PCBP3: variants seen among roughly 807,000 people sequenced by gnomAD.
PCBP3 encodes the protein poly(rC) binding protein 3.
In PCBP3, 25 loss-of-function variants were observed where a neutral mutation model predicts 52.7. That is an observed-to-expected ratio of 0.47 (90% CI 0.35 to 0.66). The LOEUF (loss-of-function observed/expected upper bound fraction) is 0.66. Ranked by LOEUF, PCBP3 falls within the 30% of genes least tolerant of loss-of-function variation. The pLI, the probability that PCBP3 is intolerant of heterozygous loss-of-function variation, is 0.01. For missense variants in PCBP3, 391 were observed against 490.3 expected (o/e 0.80, Z 1.91); for synonymous variants, 162 against 183.0 (o/e 0.89, Z 0.93).
chr21:45,821,330 GC>G lies in PCBP3; in HGVS notation c.-125-28628del, dbSNP rs1333418133. On this transcript the variant is annotated intron_variant, in intron 4 of 17. Coordinates refer to ENST00000681687, the MANE Select transcript of PCBP3 (RefSeq NM_001384156.1). The surrounding 1 kb of genome is among the most constrained non-coding windows in gnomAD (Gnocchi z 4.4). The stretch of plus-strand genomic sequence containing the variant: ...ACACTGAGCTCCAGCCTGATGTCCA[GC>G]CCAGGAGGTCCTCAACTGAGGTCCA... Among the ~76,000 whole-genome samples, 1 of 151,970 alleles carries G rather than the reference GC, an allele frequency of 6.6e-6. No homozygotes were observed. Among genetic ancestry groups the G allele is most frequent in the African/African-American group, 2.4e-5 (1 of 41,350 alleles).
chr21:45,758,117 G>A (rs2088249809), intron 4 of PCBP3, among the ~76,000 whole-genome samples: 1 of 152,206 alleles, frequency 6.6e-6, no homozygotes, highest in Non-Finnish European at 1.5e-5. Flanking sequence ...TCGAACTCGT[G>A]AGCTCAGGCA....
chr21:45,785,109 C>T (rs1204464827), intron 4 of PCBP3, among the ~76,000 whole-genome samples: 4 of 151,854 alleles, frequency 2.6e-5, no homozygotes, highest in East Asian at 2.0e-4. Context: ...TCTGCCCGGC[C>T]GCCCCGTCTG....
intron 9 of PCBP3, among the ~76,000 whole-genome samples, chr21:45,908,684 C>T (rs1426478680): frequency 1.3e-5 from 2 of 152,184 alleles, no homozygotes; most frequent in African/African-American, 4.8e-5. Flanking sequence ...CTGCAGCGAG[C>T]TCCGGGCCAC....
chr21:45,860,786 G>A (rs2094479551), intron 5 of PCBP3, among the ~76,000 whole-genome samples: 1 of 152,224 alleles, frequency 6.6e-6, no homozygotes, highest in Non-Finnish European at 1.5e-5. Context: ...CCCTCCGGCC[G>A]GCAGCGACCC....
Position 45,782,772 on chromosome 21 carries a change from C to G in PCBP3, c.-126+27320C>G, listed in dbSNP as rs530209600. 1.2e-3 allele frequency among the ~76,000 whole-genome samples: 189 copies of G among 152,206 alleles called. 1 individual carries two copies. The highest frequency in any genetic ancestry group is 3.4e-3 in the Middle Eastern group (1 of 294). ...GGGCATATCATTATTTGTTGCAAAC[C>G]AAAGACAAAAAAAATCTTAAAAGCA... On this transcript the variant is annotated intron_variant, in intron 4 of 17. Coordinates refer to ENST00000681687, the MANE Select transcript of PCBP3 (RefSeq NM_001384156.1).
chr21:45,745,442 G>A (rs1603370052), intron 3 of PCBP3, among the ~76,000 whole-genome samples: 2 of 152,142 alleles, frequency 1.3e-5, no homozygotes, highest in African/African-American at 4.8e-5. Flanking sequence ...GACTCTGGGT[G>A]GCCTGCCATT....
At chr21:45,910,781 G>A in intron 10 of PCBP3, 121 bp from the exon 11 acceptor site, 1 of 931,520 alleles carries the variant, frequency 1.1e-6, no homozygotes, top group Non-Finnish European at 1.6e-6. Context: ...GGGGCGCGTG[G>A]GCTGTATGCA....
At chr21:45,922,042 G>C (rs544312352) in intron 13 of PCBP3, among the ~76,000 whole-genome samples, 2 of 152,304 alleles carry the variant, frequency 1.3e-5, no homozygotes, top group South Asian at 4.1e-4. Context: ...GACTATCCAT[G>C]TGCCTCTGTG....
intron 17 of PCBP3, 147 bp from the exon 18 acceptor site, chr21:45,941,523 T>G (rs1258688128): frequency 4.8e-6 from 3 of 627,228 alleles, no homozygotes; most frequent in Non-Finnish European, 8.3e-6. Context: ...TGTGCTCTGC[T>G]GTGGTCTCCA....
At chr21:45,924,215 A>G (rs1369057035) in intron 13 of PCBP3, among the ~76,000 whole-genome samples, 20 of 139,228 alleles carry the variant, frequency 1.4e-4, no homozygotes, top group Non-Finnish European at 1.7e-4. Flanking sequence ...TCGGGTGTGC[A>G]CGAGGAGATG....
chr21:45,911,154 C>T (rs1310555857), intron 11 of PCBP3, 124 bp downstream of exon 11: 2 of 1,145,958 alleles, frequency 1.7e-6, no homozygotes, highest in East Asian at 2.4e-5. Context: ...TGGGGGGCTC[C>T]TGACCCCAAG....
chr21:45,657,284 A>T (rs2080082852), intron 1 of PCBP3, among the ~76,000 whole-genome samples: 1 of 152,134 alleles, frequency 6.6e-6, no homozygotes, highest in South Asian at 2.1e-4. Flanking sequence ...AGGGTTTTAT[A>T]GTTTTAGCTC....
intron 2 of PCBP3, among the ~76,000 whole-genome samples, chr21:45,703,417 G>T (rs1466834423): frequency 6.6e-6 from 1 of 152,214 alleles, no homozygotes; most frequent in East Asian, 1.9e-4. Flanking sequence ...GTGTTAACGG[G>T]CATGAAAACA....
chr21:45,912,087 G>C (rs1466577917), intron 11 of PCBP3, among the ~76,000 whole-genome samples: 2 of 152,222 alleles, frequency 1.3e-5, no homozygotes. Flanking sequence ...GGTCTCGTCA[G>C]CGTCACCCAG....
intron 4 of PCBP3, among the ~76,000 whole-genome samples, chr21:45,776,910 G>A (rs888194324): frequency 2.6e-5 from 4 of 152,064 alleles, no homozygotes; most frequent in African/African-American, 9.7e-5. Flanking sequence ...CTTGCTTTAT[G>A]TATTCTTTGT....
At chr21:45,755,987 G>C (rs2087999858) in intron 4 of PCBP3, among the ~76,000 whole-genome samples, 1 of 152,032 alleles carries the variant, frequency 6.6e-6, no homozygotes, top group African/African-American at 2.4e-5. Context: ...TGTGTCCTAA[G>C]AATTCTGCAC....
chr21:45,757,749 A>G (rs2088201557), intron 4 of PCBP3, among the ~76,000 whole-genome samples: 1 of 152,166 alleles, frequency 6.6e-6, no homozygotes, highest in Admixed American at 6.6e-5. Context: ...GGGGATATTC[A>G]GTTGTCACAG....
chr21:45,661,116 A>G (rs1275315342), intron 1 of PCBP3, among the ~76,000 whole-genome samples: 1 of 152,196 alleles, frequency 6.6e-6, no homozygotes, highest in Non-Finnish European at 1.5e-5. Context: ...TTTTACAGTT[A>G]TCTGTACTTG....
At chr21:45,657,010 A>G (rs995069731) in intron 1 of PCBP3, among the ~76,000 whole-genome samples, 2 of 152,038 alleles carry the variant, frequency 1.3e-5, no homozygotes, top group Non-Finnish European at 2.9e-5. Flanking sequence ...TTTAGTAGAG[A>G]CAGGGTTTCA....
Sources: gnomAD v4.1 joint callset for allele counts (sites outside exome capture counted in the v4.1 genomes callset) on GRCh38, gnomAD v4.1.1 for gene constraint, Gnocchi (gnomAD v3.1) non-coding constraint, MANE v1.5 for transcripts, NCBI Gene and HGNC (gene_info 2026-07-23, HGNC 2026-07-21) for gene names.